Variants in PARVG observed in about 807,000 individuals in gnomAD.
PARVG encodes the protein parvin gamma.
In PARVG, 36 loss-of-function variants were observed where a neutral mutation model predicts 44.4. The ratio of observed to expected loss-of-function variants is 0.81; its 90% CI spans 0.62 to 1.07. The LOEUF is 1.07. Among genes scored for constraint, PARVG ranks in the 50% least tolerant of loss-of-function variants. The pLI is 0.00. For missense variants in PARVG, 407 were observed against 407.4 expected (o/e 1.00, Z 0.01); for synonymous variants, 170 against 174.1 (o/e 0.98, Z 0.19).
At chr22:44,186,922 C>T (rs528385123) in intron 4 of PARVG, 75 of 321,938 alleles carry the variant, frequency 2.3e-4, no homozygotes, top group Middle Eastern at 2.3e-3. Flanking sequence ...CTCCTGACAA[C>T]CTTTAGTGAA....
At chr22:44,178,375 G>A (rs537015997), upstream of PARVG, among the ~76,000 whole-genome samples, 1 of 152,278 alleles carries the variant, frequency 6.6e-6, no homozygotes, top group South Asian at 2.1e-4. Context: ...GTAGTGAGGG[G>A]GACCCAGACA....
rs572196077 is a variant in PARVG at position 44,189,247 on chromosome 22, C to T, written c.381C>T (p.Ser127=). ...LQLEEWQAKW[S]VESIFNKDLL... ...TGGAGGAGTGGCAGGCCAAGTGGAG[C>T]GTGGAGAGTACGTGGGCCACAACCT... is the stretch of plus-strand genomic sequence containing the variant. Residue 127 remains serine (S), a synonymous_variant, in exon 6 of 14, where the codon AGC becomes AGT. Transcript: ENST00000444313. 2.0e-5 allele frequency: 32 copies of T among 1,613,986 alleles called. No homozygotes were observed. Among genetic ancestry groups the T allele is most frequent in the African/African-American group, 2.7e-5 (2 of 75,042 alleles).
intron 3 of PARVG, chr22:44,184,125 C>T (rs1353723457): frequency 6.5e-6 from 1 of 153,464 alleles, no homozygotes; most frequent in Admixed American, 6.5e-5. Context: ...AGCTGTCACC[C>T]TCTCTGTGTT....
In PARVG at chr22:44,189,172, G is replaced by C; in HGVS notation, c.306G>C (p.Gln102His). Residue 102 changes from glutamine (Q) to histidine (H), a missense_variant, in exon 6 of 14, where the codon CAG (glutamine) becomes CAC (histidine). Transcript: ENST00000444313. ...AEDIALTATS[Q>H]KHKLTVVLEA... ...ACATCGCCCTGACAGCCACAAGCCA[G>C]AAGCACAAGCTCACAGTGGTGCTGG... The C allele has an allele frequency of 6.2e-7, 1 of 1,614,238 alleles. No individual in the cohort carries two copies.
At chr22:44,174,222 G>C (rs1176252774) in intron 1 of PARVG, among the ~76,000 whole-genome samples, 1 of 151,864 alleles carries the variant, frequency 6.6e-6, no homozygotes, top group Non-Finnish European at 1.5e-5. Context: ...GGGAGTGAGA[G>C]GGAACTCCCA....
intron 12 of PARVG, among the ~76,000 whole-genome samples, chr22:44,198,933 TCCATCCACCCAC>T (rs1569186419): frequency 6.5e-4 from 36 of 55,126 alleles, no homozygotes; most frequent in African/African-American, 2.2e-3. Flanking sequence ...TACCCATCCA[TCCATCCACCCAC>T]CCATCCATCC....
chr22:44,189,164 A>G lies in PARVG; in HGVS notation c.298A>G (p.Thr100Ala), dbSNP rs781700624. 7 of 1,614,202 alleles carry G rather than the reference A, an allele frequency of 4.3e-6. No individual in the cohort carries two copies. The highest frequency in any genetic ancestry group is 5.9e-6 in the Non-Finnish European group (7 of 1,180,038). ...AGCAGAGGACATCGCCCTGACAGCC[A>G]CAAGCCAGAAGCACAAGCTCACAGT... is the stretch of plus-strand genomic sequence containing the variant. ...LEAEDIALTA[T>A]SQKHKLTVVL... The change falls in exon 6 of 14, where the codon ACA becomes GCA. Residue 100 changes from threonine (T) to alanine (A), a missense_variant. Physicochemically the swap from Thr to Ala is moderately conservative, Grantham distance 58. Transcript: ENST00000444313.
chr22:44,195,860 T>C (rs1475578323), intron 9 of PARVG, among the ~76,000 whole-genome samples: 6 of 152,196 alleles, frequency 3.9e-5, no homozygotes, highest in Admixed American at 3.9e-4. Flanking sequence ...TATGAAGTCC[T>C]ACTGTGTGCC....
chr22:44,199,213 T>C (rs1235906230), intron 12 of PARVG, among the ~76,000 whole-genome samples: 1 of 151,356 alleles, frequency 6.6e-6, no homozygotes, highest in African/African-American at 2.4e-5. Flanking sequence ...CATCCATCCA[T>C]CCACCCACCT....
At chr22:44,200,973 G>A (rs1168215633) in intron 12 of PARVG, among the ~76,000 whole-genome samples, 1 of 151,810 alleles carries the variant, frequency 6.6e-6, no homozygotes, top group Non-Finnish European at 1.5e-5. Context: ...CCCCGACCAC[G>A]TCCCCTCCTC....
chr22:44,182,013 C>T lies in PARVG; in HGVS notation c.-13+96C>T. On this transcript the variant is annotated intron_variant, in intron 2 of 13. Transcript: ENST00000444313. This position sits in a 1 kb window ranked among gnomAD's most constrained non-coding sequence, Gnocchi z 4.6. ...TGGGAAGGATCCCAGAGTGCAGTCC[C>T]AGCCCAGGCCACCCGGGGAAGGGAG... 1 of 938,952 alleles carries T rather than the reference C, an allele frequency of 1.1e-6. No individual in the cohort carries two copies. The highest frequency in any genetic ancestry group is 1.3e-6 in the Non-Finnish European group (1 of 787,534). 58.2% of individuals were successfully genotyped at this position (938,952 alleles called of 1,614,324 possible).
At position 44,183,403 on chromosome 22, in the gene PARVG, CA is replaced by C. The variant is rs1196522898; in HGVS notation, c.78del (p.Gly27GlufsTer24). The C allele has an allele frequency of 1.2e-6, 2 of 1,601,558 alleles. No homozygotes were observed. The highest frequency in any genetic ancestry group is 2.3e-5 in the East Asian group (1 of 44,418). On this transcript the variant is annotated frameshift_variant, in exon 3 of 14. Transcript: ENST00000444313. LOFTEE classifies it high-confidence loss of function. Reference protein sequence around the residue: ...GVEPPAEEELSKGGKKKYLPP... With the variant: ...GVEPPAEEELXKGGKKKYLPP... ...GAGCCCCCAGCGGAGGAGGAGCTCT[CA>C]AAAGGTGTGTGCCCACGCAGGTCTG...
At chr22:44,203,544 C>T (rs149311832) in intron 12 of PARVG, among the ~76,000 whole-genome samples, 89 of 152,276 alleles carry the variant, frequency 5.8e-4, no homozygotes, top group African/African-American at 2.0e-3. Flanking sequence ...GTATCAAAGG[C>T]GGAGCTTTGA....
chr22:44,188,952 C>A, intron 5 of PARVG, 162 bp from the exon 6 acceptor site: 3 of 861,710 alleles, frequency 3.5e-6, no homozygotes, highest in African/African-American at 3.4e-5. Flanking sequence ...AGGGCATACC[C>A]GATTGAGGCT....
chr22:44,198,940 A>G (rs1306693747), intron 12 of PARVG, among the ~76,000 whole-genome samples: 11 of 53,026 alleles, frequency 2.1e-4, no homozygotes, highest in Admixed American at 5.8e-4. Flanking sequence ...CCATCCATCC[A>G]CCCACCCATC....
intron 5 of PARVG, 45 bp downstream of exon 5, chr22:44,187,923 C>T (rs750014265): frequency 1.2e-6 from 2 of 1,600,966 alleles, no homozygotes; most frequent in Admixed American, 1.7e-5. Flanking sequence ...GCCCCATCCC[C>T]CTGACCTGGC....
intron 6 of PARVG, among the ~76,000 whole-genome samples, chr22:44,189,872 G>T (rs2054524809): frequency 6.6e-6 from 1 of 152,150 alleles, no homozygotes; most frequent in African/African-American, 2.4e-5. Context: ...AGCCCAGATT[G>T]CACCACTTCA....
exon 1 of PARVG, chr22:44,172,983 C>T (rs528417905): frequency 7.8e-7 from 1 of 1,289,402 alleles, no homozygotes; most frequent in Non-Finnish European, 1.0e-6. Context: ...TTTAATCTTT[C>T]ATGCATTTAG....
chr22:44,174,652 C>T (rs931882334), intron 1 of PARVG, among the ~76,000 whole-genome samples: 23 of 152,078 alleles, frequency 1.5e-4, no homozygotes, highest in African/African-American at 5.3e-4. Flanking sequence ...ATGAGAATCA[C>T]TTGAACCTGG....
Sources: gnomAD v4.1 joint callset for allele counts (sites outside exome capture counted in the v4.1 genomes callset) on GRCh38, gnomAD v4.1.1 for gene constraint, Gnocchi (gnomAD v3.1) non-coding constraint, MANE v1.5 for transcripts, NCBI Gene and HGNC (gene_info 2026-07-23, HGNC 2026-07-21) for gene names.